RNF17: variants seen among roughly 807,000 people sequenced by gnomAD.
RNF17 encodes the protein spermatogenesis associated 23.
RNF17 carries 31 observed loss-of-function variants against 200.5 expected under a neutral mutation model. The ratio of observed to expected loss-of-function variants is 0.15; its 90% confidence interval spans 0.12 to 0.21. The LOEUF (loss-of-function observed/expected upper bound fraction) is 0.21, where lower values mean the gene tolerates loss of function less well. Ranked by LOEUF, RNF17 falls within the 10% of genes least tolerant of loss-of-function variation. The pLI is 1.00. For synonymous variants in RNF17, 606 were observed against 637.8 expected, an observed-to-expected ratio of 0.95 and a Z score of 0.75; for missense variants, 1,628 against 1,905.1, an observed-to-expected ratio of 0.85 and a Z score of 2.71.
In RNF17 at chr13:24,827,701, C is replaced by CAAAAA. The variant is rs538402990; in HGVS notation, c.2245+1941_2245+1945dup. 3.8e-3 allele frequency among the ~76,000 whole-genome samples: 46 copies of CAAAAA among 12,236 alleles called. 8 individuals are homozygous for CAAAAA. Among genetic ancestry groups the CAAAAA allele is most frequent in the Admixed American group, 0.016 (12 of 742 alleles). The allele number at this position is 12,236 out of a possible 152,430, so 8.0% of individuals were successfully genotyped here. On this transcript the variant is annotated intron_variant, in intron 16 of 35. Transcript: ENST00000255324. ...TGGGCGACAGAGCGAGACTCCGTCT[C>CAAAAA]AAAAAAAAAAAAAAAACAAAAAAAA...
downstream of RNF17, among the ~76,000 whole-genome samples, chr13:24,882,111 GATATATAGATACATCTAT>G (rs1953870887): frequency 4.3e-4 from 2 of 4,602 alleles, no homozygotes; most frequent in African/African-American, 6.0e-4. Flanking sequence ...CATCTATATA[GATATATAGATACATCTAT>G]ATAGATAGAT....
Position 24,802,275 on chromosome 13 carries a change from G to T in RNF17, c.1759-106G>T. On this transcript the variant is annotated intron_variant, in intron 13 of 35. Transcript: ENST00000255324. The stretch of plus-strand genomic sequence containing the variant: ...TTTCCTAATGTCTGCGGTTGGTTCA[G>T]TTTGTTCGCAGTTGCGTCTGTGGTT... 5.0e-6 allele frequency: 5 copies of T among 1,003,820 alleles called. No individual in the cohort carries two copies. The South Asian group carries it at 9.1e-5, about 18-fold the overall frequency. 62.2% of individuals were successfully genotyped at this position (1,003,820 alleles called of 1,614,324 possible). A position where few individuals can be genotyped will look rare whatever the true frequency, so the allele number is the denominator to read the frequency against.
chr13:24,832,848 A>C (rs1038901647), intron 18 of RNF17, among the ~76,000 whole-genome samples: 14 of 152,120 alleles, frequency 9.2e-5, no homozygotes, highest in African/African-American at 3.1e-4. Flanking sequence ...GGCTCAAGTG[A>C]TCTTCCTGCC....
At chr13:24,883,367 T>C, downstream of RNF17, 2 of 1,597,924 alleles carry the variant, frequency 1.3e-6, no homozygotes, top group Middle Eastern at 3.3e-4. Context: ...TTTGTTGCCA[T>C]CACTGTAAAA....
At chr13:24,777,954 T>C (rs1881795341) in intron 3 of RNF17, among the ~76,000 whole-genome samples, 1 of 152,144 alleles carries the variant, frequency 6.6e-6, no homozygotes, top group South Asian at 2.1e-4. Flanking sequence ...GATGAGGTAA[T>C]ATTGGTATTT....
chr13:24,881,807 G>C (rs545882661), downstream of RNF17, among the ~76,000 whole-genome samples: 6 of 86,100 alleles, frequency 7.0e-5, no homozygotes, highest in African/African-American at 2.6e-4. Flanking sequence ...TATATATCTA[G>C]ATATCTATCT....
At chr13:24,768,420 G>A (rs1299427465) in intron 2 of RNF17, among the ~76,000 whole-genome samples, 1 of 151,906 alleles carries the variant, frequency 6.6e-6, no homozygotes, top group Non-Finnish European at 1.5e-5. Flanking sequence ...AAGTAGCTGG[G>A]ACTGTAGGTC....
At chr13:24,873,852 A>C (rs1894570102) in intron 32 of RNF17, among the ~76,000 whole-genome samples, 1 of 152,188 alleles carries the variant, frequency 6.6e-6, no homozygotes, top group African/African-American at 2.4e-5. Context: ...AGTTAATATA[A>C]TGATCCATCC....
chr13:24,862,032 C>T (rs940334402), intron 27 of RNF17, among the ~76,000 whole-genome samples: 14 of 107,520 alleles, frequency 1.3e-4, no homozygotes, highest in Admixed American at 2.7e-4. Context: ...GAAGGGGAAA[C>T]GGCCACTTTC....
chr13:24,800,565 A>G (rs751695488), intron 13 of RNF17, 31 bp downstream of exon 13: 27 of 1,594,252 alleles, frequency 1.7e-5, no homozygotes, highest in Non-Finnish European at 2.3e-5. Context: ...TTTTTCCTTC[A>G]GAGGTTATTA....
intron 15 of RNF17, among the ~76,000 whole-genome samples, chr13:24,806,812 A>C (rs1204255840): frequency 4.7e-5 from 5 of 106,936 alleles, no homozygotes; most frequent in African/African-American, 1.1e-4. Flanking sequence ...CCCCACCCCA[A>C]AACAGTCCCC....
chr13:24,825,825 A>G (rs530175500), intron 16 of RNF17, 53 bp downstream of exon 16: 12 of 1,553,176 alleles, frequency 7.7e-6, no homozygotes, highest in Non-Finnish European at 1.1e-5. Flanking sequence ...CAAAACTAAT[A>G]TCATTTGAGT....
chr13:24,859,122 G>T lies in RNF17; in HGVS notation c.3732G>T (p.Trp1244Cys), dbSNP rs1281328357. Residue 1244 changes from tryptophan (W) to cysteine (C), a missense_variant, in exon 26 of 36, where the codon TGG becomes TGT. By Grantham distance (215) the Trp-to-Cys change is radical (BLOSUM62 -2). This residue lies in a region of RNF17 where 609 missense variants were observed against 681.9 expected (regional missense o/e 0.89). Transcript: ENST00000255324. ...CAGTAAGAGGATCCGATACTCTGTG[G>T]TATCGTGGCAAGGTGATGGAGGTTG... Reference protein sequence around the residue: ...ACAVRGSDTLWYRGKVMEVVG... With the variant: ...ACAVRGSDTLCYRGKVMEVVG... The T allele has an allele frequency of 6.2e-7, 1 of 1,610,578 alleles. No individual in the cohort carries two copies. The highest frequency in any genetic ancestry group is 8.5e-7 in the Non-Finnish European group (1 of 1,177,868).
At chr13:24,849,054 G>A (rs1166264725) in intron 22 of RNF17, among the ~76,000 whole-genome samples, 1 of 152,126 alleles carries the variant, frequency 6.6e-6, no homozygotes, top group Non-Finnish European at 1.5e-5. Flanking sequence ...GCTGAGTGTG[G>A]TGGCATACAC....
chr13:24,818,279 T>C (rs1269096165), intron 15 of RNF17, among the ~76,000 whole-genome samples: 4 of 152,188 alleles, frequency 2.6e-5, no homozygotes, highest in Admixed American at 6.5e-5. Flanking sequence ...TATTAAGACA[T>C]TTTGCAGCCT....
intron 26 of RNF17, 75 bp downstream of exon 26, chr13:24,859,239 C>T (rs947061117): frequency 2.1e-5 from 22 of 1,068,286 alleles, no homozygotes; most frequent in African/African-American, 1.4e-4. Flanking sequence ...CATTTGAACA[C>T]GAGAAAGTTG....
At chr13:24,839,777 T>G (rs1231732520) in intron 18 of RNF17, among the ~76,000 whole-genome samples, 1 of 152,122 alleles carries the variant, frequency 6.6e-6, no homozygotes, top group Non-Finnish European at 1.5e-5. Flanking sequence ...ACTATAAAAA[T>G]TCTAGAAGAT....
the RNF17 span, among the ~76,000 whole-genome samples, chr13:24,755,600 T>G: frequency 0.058 from 8,869 of 152,190 alleles, 370 homozygotes; most frequent in Middle Eastern, 0.15. Flanking sequence ...CCGGATAGAG[T>G]TTTGGAAAAT....
intron 30 of RNF17, 133 bp downstream of exon 30, chr13:24,866,336 AG>A: frequency 3.8e-6 from 2 of 528,042 alleles, no homozygotes; most frequent in East Asian, 6.8e-5. Context: ...TTGAATATAC[AG>A]TTCAGTGTTG....
Sources: allele counts gnomAD v4.1 joint callset (sites outside exome capture counted in the v4.1 genomes callset), GRCh38; gene constraint gnomAD v4.1.1; regional missense constraint gnomAD v4.1.1; transcripts MANE v1.5; gene names NCBI Gene and HGNC (gene_info 2026-07-23, HGNC 2026-07-21).